The following ADAM12 variants were observed in gnomAD, a reference collection of about 807,000 sequenced individuals.
The protein encoded by ADAM12 is ADAM metallopeptidase domain 12.
In ADAM12, 70 loss-of-function variants were observed where a neutral mutation model predicts 106.4. That is an observed-to-expected ratio of 0.66 (90% CI 0.54 to 0.80). The LOEUF (loss-of-function observed/expected upper bound fraction) is 0.80, where lower values mean the gene tolerates loss of function less well. ADAM12 is among the 30% of genes least tolerant of loss of function. The pLI is 0.00. For missense variants in ADAM12, 1,010 were observed against 1,171.9 expected, an observed-to-expected ratio of 0.86 and a Z score of 2.02; for synonymous variants, 420 against 433.5, an observed-to-expected ratio of 0.97 and a Z score of 0.39.
intron 3 of ADAM12, among the ~76,000 whole-genome samples, chr10:126,183,042 A>G (rs1292435665): frequency 6.6e-6 from 1 of 152,146 alleles, no homozygotes; most frequent in Non-Finnish European, 1.5e-5. Context: ...AAGAAGCACT[A>G]GATTCTCACA....
At chr10:126,347,496 G>T (rs917226183) in intron 1 of ADAM12, among the ~76,000 whole-genome samples, 1 of 152,134 alleles carries the variant, frequency 6.6e-6, no homozygotes, top group African/African-American at 2.4e-5. Flanking sequence ...GACAATTATG[G>T]GTCTTGGATT....
intron 5 of ADAM12, among the ~76,000 whole-genome samples, chr10:126,123,735 C>G (rs1308478087): frequency 6.6e-6 from 1 of 152,182 alleles, no homozygotes; most frequent in Non-Finnish European, 1.5e-5. Context: ...CAACCCCACA[C>G]TCGCCTGCTT....
At chr10:126,251,616 G>GGATA (rs1958757826) in intron 3 of ADAM12, among the ~76,000 whole-genome samples, 1 of 121,046 alleles carries the variant, frequency 8.3e-6, no homozygotes, top group African/African-American at 3.0e-5. Context: ...ATGGATGCAT[G>GGATA]GATAGATGAA....
intron 11 of ADAM12, among the ~76,000 whole-genome samples, chr10:126,086,962 G>T (rs1414898855): frequency 6.6e-6 from 1 of 151,058 alleles, no homozygotes; most frequent in African/African-American, 2.4e-5. Context: ...GAACTGGGGA[G>T]GTGGAGGTTG....
rs149612648 is a variant in ADAM12 at position 126,072,949 on chromosome 10, T to C, written c.1146-1295A>G. Among the ~76,000 whole-genome samples, 66 of 152,294 alleles carry C rather than the reference T, an allele frequency of 4.3e-4. No homozygotes were observed. In the East Asian group the frequency reaches 6.4e-3, roughly 15 times the overall value. Reference sequence around the variant, plus strand: ...TGATGGTAGACCAGCGGCCACTTAATGATTGAGCTTGGTGAATTTTGAGAT... The same window carrying C: ...TGATGGTAGACCAGCGGCCACTTAACGATTGAGCTTGGTGAATTTTGAGAT... On this transcript the variant is annotated intron_variant, in intron 11 of 22. Coordinates refer to ENST00000448723, the MANE Select transcript of ADAM12 (RefSeq NM_001288973.2).
intron 2 of ADAM12, among the ~76,000 whole-genome samples, chr10:126,324,126 A>G (rs749900946): frequency 1.8e-4 from 27 of 152,216 alleles, no homozygotes; most frequent in Non-Finnish European, 2.5e-4. Context: ...CTGAATTTGC[A>G]TGAATTAAAT....
intron 3 of ADAM12, among the ~76,000 whole-genome samples, chr10:126,248,722 T>TA (rs1958682851): frequency 6.6e-6 from 1 of 150,964 alleles, no homozygotes; most frequent in African/African-American, 2.4e-5. Context: ...TTTATTTATT[T>TA]ATTTTGAGAC....
intron 3 of ADAM12, among the ~76,000 whole-genome samples, chr10:126,209,329 A>T (rs1342227253): frequency 6.6e-6 from 1 of 152,202 alleles, no homozygotes; most frequent in African/African-American, 2.4e-5. Context: ...TAGATATGTA[A>T]ATTGTTTCAA....
chr10:126,132,264 C>T (rs1278324), intron 5 of ADAM12, among the ~76,000 whole-genome samples: 80,276 of 152,054 alleles, frequency 0.53, 21,641 homozygotes, highest in Non-Finnish European at 0.59. Context: ...TGAGCCACCG[C>T]GCCCCCGGGC....
At chr10:126,132,064 CT>C (rs1956315320) in intron 5 of ADAM12, among the ~76,000 whole-genome samples, 1 of 151,818 alleles carries the variant, frequency 6.6e-6, no homozygotes, top group Non-Finnish European at 1.5e-5. Flanking sequence ...CAACCCCCGC[CT>C]CCCGGGTTCA....
intron 3 of ADAM12, among the ~76,000 whole-genome samples, chr10:126,230,224 C>A (rs748664986): frequency 9.9e-5 from 15 of 152,134 alleles, no homozygotes; most frequent in Non-Finnish European, 2.2e-4. Context: ...ATGCAGGGTA[C>A]ACTCGTAGAG....
At chr10:126,353,358 G>C (rs375017706) in intron 1 of ADAM12, among the ~76,000 whole-genome samples, 1 of 152,040 alleles carries the variant, frequency 6.6e-6, no homozygotes. Flanking sequence ...TACTAAGATG[G>C]TGGAGCTCCC....
intron 21 of ADAM12, among the ~76,000 whole-genome samples, chr10:126,030,582 A>G (rs532651238): frequency 6.6e-6 from 1 of 152,306 alleles, no homozygotes; most frequent in South Asian, 2.1e-4. Flanking sequence ...ATAGTAACAA[A>G]TAAGTGGGAA....
At position 126,112,291 on chromosome 10, in the gene ADAM12, C is replaced by T. The variant is rs554065196; in HGVS notation, c.604-2451G>A. Among the ~76,000 whole-genome samples, 15 of 149,118 alleles carry T rather than the reference C, an allele frequency of 1.0e-4. No homozygotes were observed. The South Asian group carries it at 1.9e-3, about 19-fold the overall frequency. ...AGGTGCAGCAAACCACCATGGCACA[C>T]GTATACCTATGTAACAAACCTGCAC... is the stretch of plus-strand genomic sequence containing the variant. On this transcript the variant is annotated intron_variant, in intron 6 of 22. Transcript: ENST00000448723.
chr10:126,197,406 G>A (rs1407725417), intron 3 of ADAM12, among the ~76,000 whole-genome samples: 1 of 152,204 alleles, frequency 6.6e-6, no homozygotes, highest in African/African-American at 2.4e-5. Flanking sequence ...GCAAGTTGAG[G>A]GTTTTGGTGA....
At position 126,115,757 on chromosome 10, in the gene ADAM12, A is replaced by AT. The variant is rs915696699; in HGVS notation, c.603+2280dup. ...AGATTAGTTAGCAGCCTTTCTATTG[A>AT]TTTTTTTTTAAGAGTGAAATAAAGG... On this transcript the variant is annotated intron_variant, in intron 6 of 22. Coordinates refer to ENST00000448723, the MANE Select transcript of ADAM12 (RefSeq NM_001288973.2). Among the ~76,000 whole-genome samples the AT allele has an allele frequency of 3.0e-4, 45 of 151,834 alleles. 1 individual carries two copies. In the South Asian group the frequency reaches 7.9e-3, roughly 27 times the overall value.
chr10:126,289,331 G>A (rs113682498), intron 2 of ADAM12, among the ~76,000 whole-genome samples: 2,466 of 152,360 alleles, frequency 0.016, 67 homozygotes, highest in African/African-American at 0.056. Flanking sequence ...ATGCCAAGGC[G>A]GGGAGGCAGA....
intron 1 of ADAM12, among the ~76,000 whole-genome samples, chr10:126,377,843 G>A (rs1315491838): frequency 6.6e-6 from 1 of 152,104 alleles, no homozygotes; most frequent in African/African-American, 2.4e-5. Context: ...TCCAGATGGG[G>A]GGAAACAGAC....
chr10:126,219,422 T>C (rs533623794), intron 3 of ADAM12, among the ~76,000 whole-genome samples: 44 of 152,318 alleles, frequency 2.9e-4, no homozygotes, highest in African/African-American at 1.0e-3. Context: ...AGGACTTACA[T>C]TAATCTCTTT....
Sources: allele counts gnomAD v4.1 joint callset (sites outside exome capture counted in the v4.1 genomes callset), GRCh38; gene constraint gnomAD v4.1.1; transcripts MANE v1.5; gene names NCBI Gene and HGNC (gene_info 2026-07-23, HGNC 2026-07-21).